GALNTL6: variants seen among roughly 807,000 people sequenced by gnomAD.
GALNTL6 encodes the protein polypeptide N-acetylgalactosaminyltransferase like 6.
A neutral mutation model predicts 73.7 loss-of-function variants in GALNTL6; 46 were observed. The ratio of observed to expected loss-of-function variants is 0.62; its 90% CI spans 0.49 to 0.80. The LOEUF is 0.80. Among genes scored for constraint, GALNTL6 ranks in the 30% least tolerant of loss-of-function variants. The probability of loss-of-function intolerance (pLI) is 0.00; values close to 1 mark genes in which losing one functional copy is unlikely to be tolerated. For missense variants in GALNTL6, 604 were observed against 755.0 expected (o/e 0.80, Z 2.34); for synonymous variants, 259 against 263.7 (o/e 0.98, Z 0.17).
intron 3 of GALNTL6, among the ~76,000 whole-genome samples, chr4:172,237,421 G>A (rs1478541003): frequency 2.0e-5 from 3 of 151,998 alleles, no homozygotes; most frequent in South Asian, 4.1e-4. Flanking sequence ...CTTTGCCCAC[G>A]TTCTAATGGG....
intron 5 of GALNTL6, among the ~76,000 whole-genome samples, chr4:172,500,237 A>T (rs1579132936): frequency 6.6e-6 from 1 of 152,164 alleles, no homozygotes. Context: ...CCTGAGCAAC[A>T]TAATGAGACC....
chr4:172,954,265 C>G lies in GALNTL6; in HGVS notation c.1371+2007C>G, dbSNP rs760100290. On this transcript the variant is annotated intron_variant, in intron 10 of 12. Coordinates refer to ENST00000506823, the MANE Select transcript of GALNTL6 (RefSeq NM_001034845.3). ...TATAAGCACCTTTTCTAAATAGACT[C>G]AAATCTTCCACTCAGTTTCTAGGAA... 3.9e-5 allele frequency among the ~76,000 whole-genome samples: 6 copies of G among 152,164 alleles called. No individual in the cohort carries two copies. In the South Asian group the frequency reaches 6.2e-4, roughly 16 times the overall value.
intron 5 of GALNTL6, among the ~76,000 whole-genome samples, chr4:172,741,764 A>T (rs1353528824): frequency 6.6e-6 from 1 of 152,006 alleles, no homozygotes; most frequent in Non-Finnish European, 1.5e-5. Context: ...TTAAACTTAT[A>T]GATAACAAGT....
intron 2 of GALNTL6, among the ~76,000 whole-genome samples, chr4:171,821,239 A>C (rs913018965): frequency 6.6e-6 from 1 of 152,018 alleles, no homozygotes; most frequent in Non-Finnish European, 1.5e-5. Context: ...ACAAGGTCTC[A>C]CTATGTTACC....
At chr4:172,889,984 G>A (rs72708724) in intron 8 of GALNTL6, among the ~76,000 whole-genome samples, 3,376 of 152,182 alleles carry the variant, frequency 0.022, 68 homozygotes, top group Non-Finnish European at 0.032. Flanking sequence ...AATCTTGGGA[G>A]TCTGTGTACT....
chr4:172,772,915 A>G (rs925922176), intron 5 of GALNTL6, among the ~76,000 whole-genome samples: 5 of 152,186 alleles, frequency 3.3e-5, no homozygotes, highest in Admixed American at 6.5e-5. Flanking sequence ...TGACTACAGA[A>G]GATGAAAAGG....
At chr4:172,833,785 T>G (rs1742763824) in intron 7 of GALNTL6, among the ~76,000 whole-genome samples, 2 of 152,170 alleles carry the variant, frequency 1.3e-5, no homozygotes, top group Admixed American at 6.5e-5. Context: ...GGCAAAAACT[T>G]CTTTCCACAG....
intron 2 of GALNTL6, among the ~76,000 whole-genome samples, chr4:172,027,879 G>C (rs1369204386): frequency 6.6e-6 from 1 of 152,156 alleles, no homozygotes; most frequent in Non-Finnish European, 1.5e-5. Flanking sequence ...ATCCAAGATA[G>C]AACAGGTGAG....
Position 171,870,968 on chromosome 4 carries a change from T to C in GALNTL6, c.138+56250T>C, listed in dbSNP as rs890213768. Among the ~76,000 whole-genome samples the C allele has an allele frequency of 2.0e-5, 3 of 152,344 alleles. No homozygotes were observed. The South Asian group carries it at 6.2e-4, about 32-fold the overall frequency. On this transcript the variant is annotated intron_variant, in intron 2 of 12. Coordinates refer to ENST00000506823, the MANE Select transcript of GALNTL6 (RefSeq NM_001034845.3). ...CCTCTCAAATTGTGGTAATCTGTTA[T>C]AGAAGCTCTAATAAATGAGTACATC...
chr4:171,986,010 C>T (rs1740064479), intron 2 of GALNTL6, among the ~76,000 whole-genome samples: 1 of 119,278 alleles, frequency 8.4e-6, no homozygotes, highest in African/African-American at 3.2e-5. Flanking sequence ...TGCACTCCAG[C>T]CTGAGTGACA....
chr4:172,455,973 C>T (rs1023008133), intron 5 of GALNTL6, among the ~76,000 whole-genome samples: 8 of 152,138 alleles, frequency 5.3e-5, no homozygotes, highest in Admixed American at 2.6e-4. Flanking sequence ...TGACGGTTAC[C>T]CCTCTGGGAC....
intron 2 of GALNTL6, among the ~76,000 whole-genome samples, chr4:172,061,420 T>G (rs912112544): frequency 1.3e-5 from 2 of 152,198 alleles, no homozygotes; most frequent in African/African-American, 4.8e-5. Context: ...TATTGCACTT[T>G]CGTTCTGTCA....
At chr4:173,027,844 A>T (rs1055699949) in intron 12 of GALNTL6, among the ~76,000 whole-genome samples, 5 of 152,228 alleles carry the variant, frequency 3.3e-5, no homozygotes, top group Non-Finnish European at 5.9e-5. Flanking sequence ...AATAGATACA[A>T]TTAGCATAGG....
intron 5 of GALNTL6, among the ~76,000 whole-genome samples, chr4:172,730,453 T>G (rs1437177738): frequency 2.0e-5 from 3 of 152,234 alleles, no homozygotes; most frequent in South Asian, 2.1e-4. Context: ...ATGCTGAATT[T>G]TATTAAATGC....
At chr4:171,996,118 T>C (rs973358629) in intron 2 of GALNTL6, among the ~76,000 whole-genome samples, 2 of 152,136 alleles carry the variant, frequency 1.3e-5, no homozygotes, top group African/African-American at 4.8e-5. Flanking sequence ...CTTGAATCCG[T>C]ACACTTAACA....
Position 172,067,711 on chromosome 4 carries a change from G to A in GALNTL6, c.139-161945G>A, listed in dbSNP as rs1239673153. ...CACAATGGGTGGGTTCTATCCTTTG[G>A]TGAGTGACAGTCCAATGATCATTAC... On this transcript the variant is annotated intron_variant, in intron 2 of 12. Coordinates refer to ENST00000506823, the MANE Select transcript of GALNTL6 (RefSeq NM_001034845.3). Among the ~76,000 whole-genome samples, 6 of 109,882 alleles carry A rather than the reference G, an allele frequency of 5.5e-5. 2 individuals are homozygous for A. The highest frequency in any genetic ancestry group is 8.1e-5 in the Non-Finnish European group (4 of 49,442). The allele number at this position is 109,882 out of a possible 152,430, so 72.1% of individuals were successfully genotyped here.
At chr4:172,209,515 A>G (rs1736257235) in intron 2 of GALNTL6, among the ~76,000 whole-genome samples, 1 of 152,020 alleles carries the variant, frequency 6.6e-6, no homozygotes, top group South Asian at 2.1e-4. Context: ...ATTCATTTTA[A>G]TGCTACATTT....
chr4:171,987,166 G>T (rs1740121955), intron 2 of GALNTL6, among the ~76,000 whole-genome samples: 1 of 152,186 alleles, frequency 6.6e-6, no homozygotes, highest in Admixed American at 6.5e-5. Context: ...TGACTTCTGA[G>T]AAGGGAAAGT....
intron 5 of GALNTL6, among the ~76,000 whole-genome samples, chr4:172,588,159 T>G (rs763718831): frequency 6.6e-6 from 1 of 152,166 alleles, no homozygotes; most frequent in Non-Finnish European, 1.5e-5. Flanking sequence ...TAGATCCAAA[T>G]GTAAAACATT....
Sources: gnomAD v4.1 joint callset for allele counts (sites outside exome capture counted in the v4.1 genomes callset) on GRCh38, gnomAD v4.1.1 for gene constraint, MANE v1.5 for transcripts, NCBI Gene and HGNC (gene_info 2026-07-23, HGNC 2026-07-21) for gene names.